CAPRIN2: variants seen among roughly 807,000 people sequenced by gnomAD.
CAPRIN2 encodes caprin-2.
CAPRIN2 carries 66 observed loss-of-function variants against 130.4 expected under a neutral mutation model. That is an observed-to-expected ratio of 0.51 (90% confidence interval 0.42 to 0.62). The LOEUF (loss-of-function observed/expected upper bound fraction) is 0.62, where lower values mean the gene tolerates loss of function less well. CAPRIN2 is among the 20% of genes least tolerant of loss of function. CAPRIN2 has a pLI of 0.00. For synonymous variants in CAPRIN2, 471 were observed against 444.1 expected, an observed-to-expected ratio of 1.06 and a Z score of -0.76; for missense variants, 1,185 against 1,246.6, an observed-to-expected ratio of 0.95 and a Z score of 0.74.
intron 3 of CAPRIN2, among the ~76,000 whole-genome samples, chr12:30,740,292 A>AT (rs2066842250): frequency 2.0e-5 from 3 of 152,124 alleles, no homozygotes; most frequent in African/African-American, 7.2e-5. Context: ...AAAAATATAA[A>AT]TTTTTTTAAT....
chr12:30,739,608 G>A (rs973179541), intron 3 of CAPRIN2, among the ~76,000 whole-genome samples: 1 of 152,042 alleles, frequency 6.6e-6, no homozygotes, highest in East Asian at 1.9e-4. Context: ...CCAGCTACTT[G>A]GGAGGCTGAG....
chr12:30,731,631 A>AT, intron 5 of CAPRIN2, 121 bp from the exon 7 acceptor site: 7 of 755,802 alleles, frequency 9.3e-6, no homozygotes, highest in Non-Finnish European at 1.5e-5. Flanking sequence ...TGATGTACAT[A>AT]GTACATCCTT....
Position 30,713,769 on chromosome 12 carries a change from A to T in CAPRIN2, c.2601+16T>A. Reference sequence around the variant, plus strand: ...AACTGTACCACTATTCAACTATGACAACTATTCTTACTTACCCTTTGGGAA... The same window carrying T: ...AACTGTACCACTATTCAACTATGACTACTATTCTTACTTACCCTTTGGGAA... On this transcript the variant is annotated intron_variant, in intron 15 of 16. Transcript: ENST00000298892. The T allele has an allele frequency of 7.1e-7, 1 of 1,407,458 alleles. No individual in the cohort carries two copies. Among genetic ancestry groups the T allele is most frequent in the Non-Finnish European group, 1.0e-6 (1 of 993,852 alleles). The allele number at this position is 1,407,458 out of a possible 1,614,324, so 87.2% of individuals were successfully genotyped here.
chr12:30,728,441 G>A (rs2061567574), intron 8 of CAPRIN2: 1 of 498,384 alleles, frequency 2.0e-6, no homozygotes, highest in African/African-American at 2.0e-5. Flanking sequence ...TGTAGTCCCA[G>A]CTACTCAGGA....
At chr12:30,727,100 T>C (rs1401446636) in intron 8 of CAPRIN2, among the ~76,000 whole-genome samples, 1 of 152,214 alleles carries the variant, frequency 6.6e-6, no homozygotes, top group Non-Finnish European at 1.5e-5. Flanking sequence ...CATGATAATA[T>C]TCTGGTATGA....
At chr12:30,747,273 C>T (rs2071016944) in intron 2 of CAPRIN2, among the ~76,000 whole-genome samples, 1 of 152,166 alleles carries the variant, frequency 6.6e-6, no homozygotes, top group Admixed American at 6.5e-5. Context: ...CCTTGTCACC[C>T]AAGAGCTGTG....
chr12:30,709,865 G>C, exon 17 of CAPRIN2: 1 of 1,560,488 alleles, frequency 6.4e-7, no homozygotes, highest in Non-Finnish European at 8.7e-7. Flanking sequence ...CCACTAATTA[G>C]AACACCATCC....
intron 2 of CAPRIN2, among the ~76,000 whole-genome samples, chr12:30,744,254 C>T (rs1409973529): frequency 2.0e-5 from 3 of 152,300 alleles, no homozygotes; most frequent in African/African-American, 7.2e-5. Context: ...CAACTCTTTT[C>T]TAATTTCCTT....
chr12:30,728,863 G>C, exon 8 of CAPRIN2: 2 of 1,614,096 alleles, frequency 1.2e-6, no homozygotes, highest in Non-Finnish European at 1.7e-6. Flanking sequence ...GTGGTGTTCT[G>C]TTCGCTCTGC....
chr12:30,735,174 C>T (rs757892349), exon 4 of CAPRIN2: 29 of 1,614,020 alleles, frequency 1.8e-5, no homozygotes, highest in Admixed American at 6.7e-5. Flanking sequence ...GCATGTGCTC[C>T]CTTCTCTGGG....
chr12:30,715,247 A>G (rs2057096140), intron 13 of CAPRIN2, 106 bp from the exon 16 acceptor site: 4 of 847,296 alleles, frequency 4.7e-6, no homozygotes. Context: ...CTGCCTTTAA[A>G]AATAAATAGG....
exon 1 of CAPRIN2, chr12:30,754,441 C>G (rs1010180188): frequency 6.5e-6 from 1 of 152,770 alleles, no homozygotes; most frequent in African/African-American, 2.4e-5. Context: ...GCGCGCACCC[C>G]CTCAAGTCTC....
chr12:30,727,024 C>G (rs1000831296), intron 8 of CAPRIN2, among the ~76,000 whole-genome samples: 1 of 152,120 alleles, frequency 6.6e-6, no homozygotes, highest in Non-Finnish European at 1.5e-5. Context: ...CCCACAAAAG[C>G]AAATTAAATA....
At chr12:30,718,281 T>C (rs1221961205) in intron 12 of CAPRIN2, among the ~76,000 whole-genome samples, 2 of 152,208 alleles carry the variant, frequency 1.3e-5, no homozygotes, top group Non-Finnish European at 2.9e-5. Flanking sequence ...AGCAAGGAAC[T>C]ATTCTATCTA....
chr12:30,729,607 G>A (rs969038420), intron 7 of CAPRIN2, among the ~76,000 whole-genome samples: 5 of 152,126 alleles, frequency 3.3e-5, no homozygotes, highest in African/African-American at 9.7e-5. Flanking sequence ...TGCTTGATTC[G>A]GATTCTTCTA....
chr12:30,752,312 T>G (rs964762099), intron 1 of CAPRIN2, among the ~76,000 whole-genome samples: 1 of 152,124 alleles, frequency 6.6e-6, no homozygotes, highest in African/African-American at 2.4e-5. Flanking sequence ...ACAAAAGTAC[T>G]CGTACTATCT....
chr12:30,740,992 T>C, intron 3 of CAPRIN2, 28 bp downstream of exon 4: 4 of 1,460,036 alleles, frequency 2.7e-6, no homozygotes, highest in Non-Finnish European at 3.8e-6. Flanking sequence ...AAAACTGGTT[T>C]CAGGAAAAGC....
intron 7 of CAPRIN2, among the ~76,000 whole-genome samples, chr12:30,729,942 A>G (rs886231698): frequency 3.3e-5 from 5 of 152,236 alleles, no homozygotes; most frequent in African/African-American, 1.2e-4. Context: ...AGCCAAAAAT[A>G]GCTATCATTT....
intron 8 of CAPRIN2, chr12:30,728,419 G>T: frequency 2.3e-6 from 1 of 431,504 alleles, no homozygotes. Context: ...GCCAGGTGTG[G>T]TGGCATGCGC....
Sources: gnomAD v4.1 joint callset for allele counts (sites outside exome capture counted in the v4.1 genomes callset) on GRCh38, gnomAD v4.1.1 for gene constraint, MANE v1.5 for transcripts, NCBI Gene and HGNC (gene_info 2026-07-23, HGNC 2026-07-21) for gene names.